The following MMP26 variants were observed in gnomAD, a reference collection of about 807,000 sequenced individuals.
MMP26 encodes the protein matrix metalloproteinase-26.
In MMP26, 33 loss-of-function variants were observed where a neutral mutation model predicts 31.0. The observed-to-expected ratio is 1.06, with a 90% CI of 0.81 to 1.42. MMP26 has a LOEUF of 1.42. MMP26 is among the 40% of genes most tolerant of loss of function. The probability of loss-of-function intolerance (pLI) is 0.00; values close to 1 mark genes in which losing one functional copy is unlikely to be tolerated. For synonymous variants in MMP26, 122 were observed against 114.9 expected (o/e 1.06, Z -0.40); for missense variants, 347 against 316.1 (o/e 1.10, Z -0.74).
At chr11:4,856,378 T>C (rs1589920792) in intron 2 of MMP26, among the ~76,000 whole-genome samples, 1 of 152,190 alleles carries the variant, frequency 6.6e-6, no homozygotes, top group Admixed American at 6.5e-5. Context: ...TGGAGGAAGA[T>C]CTACCAAGCA....
At chr11:4,934,869 A>G (rs1255553187) in intron 2 of MMP26, among the ~76,000 whole-genome samples, 2 of 151,238 alleles carry the variant, frequency 1.3e-5, no homozygotes. Context: ...CAGGTTTGTC[A>G]AAGATCAGAT....
At chr11:4,915,099 C>G (rs768630947) in intron 2 of MMP26, 1 of 1,614,086 alleles carries the variant, frequency 6.2e-7, no homozygotes, top group Non-Finnish European at 8.5e-7. Flanking sequence ...AATTTCATCA[C>G]TTCTTGGTGG....
At chr11:4,787,270 G>A (rs955763650) in intron 2 of MMP26, 2 of 152,306 alleles carry the variant, frequency 1.3e-5, no homozygotes, top group Admixed American at 6.5e-5. Flanking sequence ...ATTTTGCAAA[G>A]TCAATGTCCT....
At chr11:4,827,407 T>A (rs868080523) in intron 2 of MMP26, among the ~76,000 whole-genome samples, 57 of 152,220 alleles carry the variant, frequency 3.7e-4, no homozygotes, top group African/African-American at 5.5e-4. Flanking sequence ...TTCCTTTTTT[T>A]AAAAACTCCA....
chr11:4,970,522 T>C (rs1846651186), intron 2 of MMP26, among the ~76,000 whole-genome samples: 1 of 152,054 alleles, frequency 6.6e-6, no homozygotes, highest in African/African-American at 2.4e-5. Flanking sequence ...GTACAGGGAG[T>C]TCAAGTGAGT....
intron 2 of MMP26, among the ~76,000 whole-genome samples, chr11:4,782,160 C>A (rs776729732): frequency 6.6e-5 from 10 of 152,108 alleles, no homozygotes; most frequent in Non-Finnish European, 1.5e-4. Flanking sequence ...GAGGTTCGAA[C>A]AGTTTGAGGG....
At chr11:4,915,021 C>G (rs759782925) in intron 2 of MMP26, 2 of 1,614,052 alleles carry the variant, frequency 1.2e-6, no homozygotes. Flanking sequence ...AGCAGTGAGT[C>G]TATACCCACT....
chr11:4,926,742 G>A (rs976428153), intron 2 of MMP26, among the ~76,000 whole-genome samples: 2 of 152,070 alleles, frequency 1.3e-5, no homozygotes, highest in Non-Finnish European at 2.9e-5. Flanking sequence ...ATATGGGTAA[G>A]AGGCAAGTGT....
intron 2 of MMP26, chr11:4,860,206 A>T (rs558305949): frequency 1.1e-5 from 5 of 471,104 alleles, no homozygotes; most frequent in Non-Finnish European, 2.2e-5. Flanking sequence ...GTCAAAGGCC[A>T]TGGACACTAG....
At chr11:4,899,158 T>C (rs959461512) in intron 2 of MMP26, among the ~76,000 whole-genome samples, 12 of 152,172 alleles carry the variant, frequency 7.9e-5, no homozygotes, top group African/African-American at 2.9e-4. Context: ...TGTATTCCCA[T>C]AGCAGCCCCA....
intron 2 of MMP26, among the ~76,000 whole-genome samples, chr11:4,773,372 G>C (rs1848750374): frequency 6.6e-6 from 1 of 152,180 alleles, no homozygotes; most frequent in Non-Finnish European, 1.5e-5. Context: ...CTAACAACCA[G>C]CCAAGAACTG....
intron 2 of MMP26, among the ~76,000 whole-genome samples, chr11:4,852,797 C>A (rs1849994195): frequency 6.6e-6 from 1 of 151,916 alleles, no homozygotes; most frequent in African/African-American, 2.4e-5. Flanking sequence ...TTCATAATAG[C>A]CAAGATATGG....
intron 2 of MMP26, among the ~76,000 whole-genome samples, chr11:4,846,189 G>A (rs539331272): frequency 2.7e-4 from 41 of 152,166 alleles, no homozygotes; most frequent in Middle Eastern, 3.4e-3. Context: ...AAGAAAATGT[G>A]CTATATATAC....
Position 4,949,942 on chromosome 11 carries a change from G to A in MMP26, c.-144-38126G>A, listed in dbSNP as rs946021939. On this transcript the variant is annotated intron_variant, in intron 2 of 7. Coordinates refer to ENST00000380390, the MANE Select transcript of MMP26 (RefSeq NM_021801.5). ...CATTTGAACTAATGGCACTTATTCC[G>A]GAGTCATGAAAATTTTACATTTCAA... Among the ~76,000 whole-genome samples the A allele has an allele frequency of 2.4e-5, 3 of 122,628 alleles. 1 individual carries two copies. The highest frequency in any genetic ancestry group is 2.4e-4 in the South Asian group (1 of 4,104). 80.4% of individuals were successfully genotyped at this position (122,628 alleles called of 152,430 possible). A position where few individuals can be genotyped will look rare whatever the true frequency, so the allele number is the denominator to read the frequency against.
intron 2 of MMP26, among the ~76,000 whole-genome samples, chr11:4,823,666 G>A (rs1026967399): frequency 2.6e-5 from 4 of 152,036 alleles, no homozygotes; most frequent in African/African-American, 9.7e-5. Flanking sequence ...TAGGATTCTG[G>A]GCCAACTATT....
intron 2 of MMP26, chr11:4,907,293 G>A (rs933918792): frequency 1.6e-5 from 16 of 972,350 alleles, no homozygotes; most frequent in Non-Finnish European, 2.3e-5. Context: ...TCACAAAACT[G>A]AGTTTTAACC....
At chr11:4,814,777 T>G (rs896432382) in intron 2 of MMP26, among the ~76,000 whole-genome samples, 1 of 152,176 alleles carries the variant, frequency 6.6e-6, no homozygotes, top group Non-Finnish European at 1.5e-5. Context: ...CTTAATAATG[T>G]TCTCTAAACA....
chr11:4,763,091 A>G (rs1445018858), intron 1 of MMP26, among the ~76,000 whole-genome samples: 1 of 152,196 alleles, frequency 6.6e-6, no homozygotes. Context: ...TATGTTGAAA[A>G]TAAGTTAGAA....
chr11:4,818,214 T>A (rs746224638), intron 2 of MMP26, among the ~76,000 whole-genome samples: 1 of 152,212 alleles, frequency 6.6e-6, no homozygotes, highest in Non-Finnish European at 1.5e-5. Flanking sequence ...TCTTTAACAT[T>A]GGTAGAACTC....
Sources: gnomAD v4.1 joint callset for allele counts (sites outside exome capture counted in the v4.1 genomes callset) on GRCh38, gnomAD v4.1.1 for gene constraint, MANE v1.5 for transcripts, NCBI Gene and HGNC (gene_info 2026-07-23, HGNC 2026-07-21) for gene names.